GABRA2: variants seen among roughly 807,000 people sequenced by gnomAD.
GABRA2 encodes gamma-aminobutyric acid type A receptor subunit alpha2.
Under a neutral mutation model 48.7 loss-of-function variants are expected in GABRA2, and 16 were observed. That is an observed-to-expected ratio of 0.33 (90% CI 0.22 to 0.50). The LOEUF (loss-of-function observed/expected upper bound fraction) is 0.50, where lower values mean the gene tolerates loss of function less well. Ranked by LOEUF, GABRA2 falls within the 20% of genes least tolerant of loss-of-function variation. GABRA2 has a pLI of 0.98. For missense variants in GABRA2, 275 were observed against 535.6 expected, an observed-to-expected ratio of 0.51 and a Z score of 4.80; for synonymous variants, 185 against 184.5, an observed-to-expected ratio of 1.00 and a Z score of -0.02.
chr4:46,344,437 C>T lies in GABRA2; in HGVS notation c.188-11755G>A, dbSNP rs373217282. ...AGAGATATTAGAGAAGAGGAAAAGACTAAAGAGATGTTCAAAAAGCCGTGA... is the reference window on the plus strand; with the variant it reads ...AGAGATATTAGAGAAGAGGAAAAGATTAAAGAGATGTTCAAAAAGCCGTGA... On this transcript the variant is annotated intron_variant, in intron 3 of 9. Transcript: ENST00000381620. 1.2e-4 allele frequency among the ~76,000 whole-genome samples: 18 copies of T among 151,852 alleles called. No homozygotes were observed. In the South Asian group the frequency reaches 2.3e-3, roughly 19 times the overall value.
chr4:46,265,355 CTGTGTGTG>C (rs67846908), intron 8 of GABRA2, among the ~76,000 whole-genome samples: 8 of 137,488 alleles, frequency 5.8e-5, no homozygotes, highest in African/African-American at 8.4e-5. Flanking sequence ...ATATATGTAT[CTGTGTGTG>C]TGTGTGTGTG....
intron 9 of GABRA2, among the ~76,000 whole-genome samples, chr4:46,258,119 A>T (rs1716211365): frequency 6.6e-6 from 1 of 151,738 alleles, no homozygotes; most frequent in African/African-American, 2.4e-5. Flanking sequence ...AGTTATCAAT[A>T]ATGACCTTGA....
At position 46,247,537 on chromosome 4, in the gene GABRA2, T is replaced by C. The variant is rs1713940407; in HGVS notation, c.*2771A>G. Among the ~76,000 whole-genome samples, 1 of 151,214 alleles carries C rather than the reference T, an allele frequency of 6.6e-6. No individual in the cohort carries two copies. The highest frequency in any genetic ancestry group is 2.4e-5 in the African/African-American group (1 of 41,346). ...AATCAGAGTAGTAGCTATAAAATAA[T>C]GAGATTATATCTCTATATATGTACA... On this transcript the variant is annotated 3_prime_UTR_variant, in exon 10 of 10. Transcript: ENST00000381620.
intron 3 of GABRA2, among the ~76,000 whole-genome samples, chr4:46,381,255 A>T (rs1402083376): frequency 6.6e-6 from 1 of 152,204 alleles, no homozygotes; most frequent in Non-Finnish European, 1.5e-5. Context: ...GAAATAACAA[A>T]TGTTGCTCCT....
chr4:46,291,592 C>A (rs1011805245), intron 8 of GABRA2, among the ~76,000 whole-genome samples: 1 of 152,006 alleles, frequency 6.6e-6, no homozygotes, highest in African/African-American at 2.4e-5. Context: ...AAAGGCTAGC[C>A]TGGCTTAGCC....
chr4:46,281,289 T>C (rs2109465099), intron 8 of GABRA2, among the ~76,000 whole-genome samples: 1 of 152,210 alleles, frequency 6.6e-6, no homozygotes, highest in East Asian at 1.9e-4. Flanking sequence ...GTACAAAAGT[T>C]CTAAGTTTGG....
At chr4:46,266,569 C>T (rs1718277612) in intron 8 of GABRA2, among the ~76,000 whole-genome samples, 2 of 151,220 alleles carry the variant, frequency 1.3e-5, no homozygotes, top group South Asian at 2.1e-4. Context: ...CTCTATTGGC[C>T]TTTGGCATTC....
Position 46,292,419 on chromosome 4 carries a change from T to A in GABRA2, c.856+11041A>T, listed in dbSNP as rs552032021. On this transcript the variant is annotated intron_variant, in intron 8 of 9. Transcript: ENST00000381620. ...GTGTCTACTGTTAAAGTGAGGACAT[T>A]AATTAGAAAAGAATGGGACACTACA... Among the ~76,000 whole-genome samples, 13 of 152,192 alleles carry A rather than the reference T, an allele frequency of 8.5e-5. 1 individual carries two copies. The highest frequency in any genetic ancestry group is 3.1e-4 in the African/African-American group (13 of 41,524).
chr4:46,349,278 T>TA (rs1369384434), intron 3 of GABRA2, among the ~76,000 whole-genome samples: 4 of 152,024 alleles, frequency 2.6e-5, no homozygotes, highest in African/African-American at 9.7e-5. Context: ...TGCCTGTAGT[T>TA]ACATTATCTT....
chr4:46,362,689 GATTATGTCTCT>G (rs1298569393), intron 3 of GABRA2, among the ~76,000 whole-genome samples: 1 of 152,118 alleles, frequency 6.6e-6, no homozygotes, highest in Non-Finnish European at 1.5e-5. Context: ...AATGATTTGG[GATTATGTCTCT>G]AAACTTTTAA....
intron 4 of GABRA2, among the ~76,000 whole-genome samples, chr4:46,316,056 G>C (rs1728505191): frequency 6.6e-6 from 1 of 151,298 alleles, no homozygotes; most frequent in African/African-American, 2.4e-5. Flanking sequence ...TAGCTACTTT[G>C]CTGAGGTTTA....
chr4:46,280,721 G>A (rs1002700194), intron 8 of GABRA2, among the ~76,000 whole-genome samples: 4 of 152,152 alleles, frequency 2.6e-5, no homozygotes, highest in Admixed American at 2.6e-4. Flanking sequence ...AACTCCTCAT[G>A]TGGCTATTTC....
rs575728231 is a variant in GABRA2, at chr4:46,247,839, T to A, written c.*2469A>T. Among the ~76,000 whole-genome samples, 2 of 151,336 alleles carry A rather than the reference T, an allele frequency of 1.3e-5. No individual in the cohort carries two copies. Among genetic ancestry groups the A allele is most frequent in the African/African-American group, 4.8e-5 (2 of 41,356 alleles). On this transcript the variant is annotated 3_prime_UTR_variant, in exon 10 of 10. Transcript: ENST00000381620. The stretch of plus-strand genomic sequence containing the variant: ...TCCCCACAAGAGAAGAAGCTCCTTT[T>A]GATTTATTTAAACATTAAAAGAAGA...
chr4:46,278,869 T>G (rs1280207046), intron 8 of GABRA2, among the ~76,000 whole-genome samples: 1 of 151,670 alleles, frequency 6.6e-6, no homozygotes, highest in Non-Finnish European at 1.5e-5. Context: ...GGAAATAGAA[T>G]GAAGGGAAGG....
intron 3 of GABRA2, among the ~76,000 whole-genome samples, chr4:46,380,720 G>C (rs1180075509): frequency 6.6e-6 from 1 of 152,146 alleles, no homozygotes; most frequent in Non-Finnish European, 1.5e-5. Flanking sequence ...ATTACTTCAT[G>C]AAGCAATACA....
intron 4 of GABRA2, among the ~76,000 whole-genome samples, chr4:46,320,110 G>T (rs907475135): frequency 2.6e-5 from 4 of 151,746 alleles, no homozygotes; most frequent in Non-Finnish European, 4.4e-5. Context: ...ATCAATAAAT[G>T]GACATTACTC....
intron 8 of GABRA2, among the ~76,000 whole-genome samples, chr4:46,289,990 C>T (rs1394266768): frequency 6.7e-6 from 1 of 150,068 alleles, no homozygotes; most frequent in East Asian, 2.0e-4. Context: ...CGGCTCACTG[C>T]AAGACCCGCC....
At chr4:46,354,670 T>C (rs896716982) in intron 3 of GABRA2, among the ~76,000 whole-genome samples, 4 of 152,128 alleles carry the variant, frequency 2.6e-5, no homozygotes, top group African/African-American at 9.7e-5. Context: ...GCCAGGTGGC[T>C]TTTAAAAAAA....
At chr4:46,276,631 G>A (rs1216498655) in intron 8 of GABRA2, among the ~76,000 whole-genome samples, 2 of 150,718 alleles carry the variant, frequency 1.3e-5, no homozygotes, top group African/African-American at 4.9e-5. Flanking sequence ...GTAGTTTGAT[G>A]TCATAATGAT....
Sources: allele counts gnomAD v4.1 joint callset (sites outside exome capture counted in the v4.1 genomes callset), GRCh38; gene constraint gnomAD v4.1.1; transcripts MANE v1.5; gene names NCBI Gene and HGNC (gene_info 2026-07-23, HGNC 2026-07-21).